The following CRISPLD2 variants were observed in gnomAD, a reference collection of about 807,000 sequenced individuals.
CRISPLD2 encodes the protein cysteine rich secretory protein LCCL domain containing 2, also known as cysteine-rich secretory protein LCCL domain-containing 2.
In CRISPLD2, 47 loss-of-function variants were observed where a neutral mutation model predicts 71.1. The ratio of observed to expected loss-of-function variants is 0.66; its 90% CI spans 0.52 to 0.84. CRISPLD2 has a LOEUF of 0.84. Among genes scored for constraint, CRISPLD2 ranks in the 40% least tolerant of loss-of-function variants. The pLI is 0.00. For missense variants in CRISPLD2, 830 were observed against 651.1 expected, an observed-to-expected ratio of 1.27 and a Z score of -2.99; for synonymous variants, 317 against 250.1, an observed-to-expected ratio of 1.27 and a Z score of -2.52.
intron 2 of CRISPLD2, chr16:84,840,099 G>T (rs1916731576): frequency 6.6e-6 from 1 of 152,232 alleles, no homozygotes; most frequent in Admixed American, 6.5e-5. Context: ...CATGTCTTTG[G>T]AATGCACCCA....
chr16:84,852,502 G>A (rs1481006101), intron 5 of CRISPLD2, among the ~76,000 whole-genome samples: 11 of 152,190 alleles, frequency 7.2e-5, no homozygotes, highest in South Asian at 2.1e-4. Flanking sequence ...AGGTCTCCCC[G>A]TGGTGTTGCG....
intron 1 of CRISPLD2, among the ~76,000 whole-genome samples, chr16:84,831,643 C>T (rs1350897000): frequency 6.6e-6 from 1 of 152,090 alleles, no homozygotes; most frequent in Non-Finnish European, 1.5e-5. Flanking sequence ...TGAGCTCAAG[C>T]GATCCTCCCA....
chr16:84,825,918 C>T (rs1319898156), intron 1 of CRISPLD2, among the ~76,000 whole-genome samples: 4 of 151,736 alleles, frequency 2.6e-5, no homozygotes, highest in Admixed American at 6.6e-5. Context: ...GTTCACGCCA[C>T]GGCACTCCAA....
intron 14 of CRISPLD2, among the ~76,000 whole-genome samples, chr16:84,890,815 C>T (rs2071655242): frequency 6.6e-6 from 1 of 152,140 alleles, no homozygotes; most frequent in Non-Finnish European, 1.5e-5. Context: ...AAAAAAAGAC[C>T]AAACAAAGTC....
intron 13 of CRISPLD2, among the ~76,000 whole-genome samples, chr16:84,884,399 A>G (rs903568732): frequency 1.3e-5 from 2 of 152,252 alleles, no homozygotes; most frequent in Non-Finnish European, 2.9e-5. Context: ...AAAGACATGT[A>G]AAGATATGAC....
chr16:84,904,104 A>G (rs112609386), intron 14 of CRISPLD2, among the ~76,000 whole-genome samples: 5 of 152,350 alleles, frequency 3.3e-5, no homozygotes, highest in Middle Eastern at 3.4e-3. Context: ...GGGAGGATCT[A>G]GAGAATGAGA....
intron 14 of CRISPLD2, among the ~76,000 whole-genome samples, chr16:84,891,649 C>T (rs925448246): frequency 2.0e-5 from 3 of 152,256 alleles, no homozygotes; most frequent in Admixed American, 1.3e-4. Context: ...TCTTCCTGAG[C>T]AGCGCAGCCA....
At chr16:84,833,593 C>T (rs1478933560) in intron 1 of CRISPLD2, among the ~76,000 whole-genome samples, 1 of 152,104 alleles carries the variant, frequency 6.6e-6, no homozygotes, top group African/African-American at 2.4e-5. Flanking sequence ...CTCGGGGCAG[C>T]CACCAAAGCG....
chr16:84,823,114 G>GT (rs1916268709), intron 1 of CRISPLD2, among the ~76,000 whole-genome samples: 3 of 152,160 alleles, frequency 2.0e-5, no homozygotes, highest in Non-Finnish European at 4.4e-5. Flanking sequence ...CACAATGTGT[G>GT]GCCTTTTGTG....
rs368719942 is a variant in CRISPLD2 at position 84,850,617 on chromosome 16, G to T, written c.542G>T (p.Arg181Leu). ...NKIGCAVNTC[R>L]KMTVWGEVWE... The stretch of plus-strand genomic sequence containing the variant: ...ATCGGTTGTGCTGTGAACACCTGCC[G>T]GAAGATGACTGTCTGGGGAGAAGTT... The change falls in exon 5 of 15, where the codon CGG (arginine) becomes CTG (leucine). Residue 181 changes from arginine to leucine, a missense_variant. Transcript: ENST00000262424. The T allele has an allele frequency of 6.2e-7, 1 of 1,614,126 alleles. No individual in the cohort carries two copies. Among genetic ancestry groups the T allele is most frequent in the Non-Finnish European group, 8.5e-7 (1 of 1,180,036 alleles).
At chr16:84,838,778 G>A in intron 2 of CRISPLD2, 43 bp downstream of exon 2, 1 of 1,579,010 alleles carries the variant, frequency 6.3e-7, no homozygotes. Flanking sequence ...CCGGGGGTGG[G>A]GCCTGGGCCA....
chr16:84,878,619 G>A (rs994107038), intron 12 of CRISPLD2, among the ~76,000 whole-genome samples: 7 of 152,300 alleles, frequency 4.6e-5, no homozygotes, highest in South Asian at 2.1e-4. Flanking sequence ...AGTGGTCCAC[G>A]GAGGACGATG....
At chr16:84,842,565 G>C (rs61066459) in intron 2 of CRISPLD2, among the ~76,000 whole-genome samples, 4,639 of 151,464 alleles carry the variant, frequency 0.031, 234 homozygotes, top group African/African-American at 0.11. Flanking sequence ...GTAGAGGCGG[G>C]GTTTCACCAC....
chr16:84,860,651 C>CA (rs1917354161), intron 6 of CRISPLD2, among the ~76,000 whole-genome samples: 1 of 152,022 alleles, frequency 6.6e-6, no homozygotes, highest in Non-Finnish European at 1.5e-5. Context: ...TTTCTTCTGG[C>CA]AAAAAAGGTT....
At chr16:84,866,384 C>T (rs771258598) in intron 6 of CRISPLD2, among the ~76,000 whole-genome samples, 13 of 152,052 alleles carry the variant, frequency 8.5e-5, no homozygotes, top group East Asian at 1.9e-4. Flanking sequence ...GACAGGCGTC[C>T]GCCACCATGC....
At chr16:84,851,233 T>C (rs1483672413) in intron 5 of CRISPLD2, among the ~76,000 whole-genome samples, 1 of 152,248 alleles carries the variant, frequency 6.6e-6, no homozygotes, top group Non-Finnish European at 1.5e-5. Context: ...CTAGCTTCTC[T>C]GTTTCCCTCC....
chr16:84,845,499 C>T (rs1241409853), intron 2 of CRISPLD2, among the ~76,000 whole-genome samples: 1 of 152,220 alleles, frequency 6.6e-6, no homozygotes, highest in Admixed American at 6.5e-5. Flanking sequence ...CCTCAGAGGT[C>T]ACTCAGCATG....
chr16:84,883,870 G>C (rs367673088), intron 13 of CRISPLD2, among the ~76,000 whole-genome samples: 14 of 146,682 alleles, frequency 9.5e-5, no homozygotes, highest in Admixed American at 5.5e-4. Flanking sequence ...TTGAGACGGA[G>C]TCTTACTCTG....
intron 14 of CRISPLD2, among the ~76,000 whole-genome samples, chr16:84,902,271 C>T (rs905020153): frequency 4.6e-5 from 7 of 151,922 alleles, no homozygotes; most frequent in African/African-American, 7.3e-5. Context: ...AACTGAGCAG[C>T]GAGGGGAGGT....
Sources: allele counts gnomAD v4.1 joint callset (sites outside exome capture counted in the v4.1 genomes callset), GRCh38; gene constraint gnomAD v4.1.1; transcripts MANE v1.5; gene names NCBI Gene and HGNC (gene_info 2026-07-23, HGNC 2026-07-21).